Variants in SLC28A1 observed in about 807,000 individuals in gnomAD.
SLC28A1 encodes sodium/nucleoside cotransporter 1.
In SLC28A1, 64 loss-of-function variants were observed where a neutral mutation model predicts 74.8. The ratio of observed to expected loss-of-function variants is 0.86; its 90% CI spans 0.70 to 1.05. SLC28A1 has a LOEUF of 1.05. Among genes scored for constraint, SLC28A1 ranks in the 50% least tolerant of loss-of-function variants. The pLI, the probability that SLC28A1 is intolerant of heterozygous loss-of-function variation, is 0.00. For missense variants in SLC28A1, 828 were observed against 822.8 expected, an observed-to-expected ratio of 1.01 and a Z score of -0.08; for synonymous variants, 359 against 335.0, an observed-to-expected ratio of 1.07 and a Z score of -0.78.
intron 3 of SLC28A1, among the ~76,000 whole-genome samples, chr15:84,888,197 G>T (rs80147108): frequency 0.043 from 6,613 of 152,166 alleles, 197 homozygotes; most frequent in Non-Finnish European, 0.064. Flanking sequence ...ATGGGGGAGG[G>T]GGGTCTCTAA....
At chr15:84,913,983 C>G (rs1238596942) in intron 9 of SLC28A1, among the ~76,000 whole-genome samples, 1 of 152,182 alleles carries the variant, frequency 6.6e-6, no homozygotes, top group Non-Finnish European at 1.5e-5. Context: ...GGATCTCACT[C>G]TGTTGCCCAG....
the SLC28A1 span, among the ~76,000 whole-genome samples, chr15:84,954,919 T>A: frequency 1.3e-5 from 2 of 152,286 alleles, no homozygotes; most frequent in South Asian, 4.1e-4. Flanking sequence ...ATGGTAGGAA[T>A]GATGCCATGT....
In SLC28A1 at chr15:84,935,348, G is replaced by A. The variant is rs1009391545; in HGVS notation, c.1411G>A (p.Val471Ile). The change falls in exon 15 of 19, where the codon GTA becomes ATA. Residue 471 changes from valine to isoleucine, a missense_variant. By Grantham distance (29) the Val-to-Ile change is conservative (BLOSUM62 3). Coordinates refer to ENST00000394573, the MANE Select transcript of SLC28A1 (RefSeq NM_004213.5). ...CATCTGCTCCTACATCCTGCGGCCT[G>A]TAGCCTTCTTGATGGGTGTGGCGTG... Reference protein sequence around the residue: ...QLICSYILRPVAFLMGVAWED... With the variant: ...QLICSYILRPIAFLMGVAWED... 4 of 1,614,252 alleles carry A rather than the reference G, an allele frequency of 2.5e-6. No individual in the cohort carries two copies. Among genetic ancestry groups the A allele is most frequent in the Non-Finnish European group, 3.4e-6 (4 of 1,180,046 alleles).
At chr15:84,955,596 G>C in the SLC28A1 span, among the ~76,000 whole-genome samples, 1 of 152,168 alleles carries the variant, frequency 6.6e-6, no homozygotes, top group Non-Finnish European at 1.5e-5. Context: ...TTGGTTCAGC[G>C]GGACTGTGGC....
intron 5 of SLC28A1, among the ~76,000 whole-genome samples, chr15:84,891,154 G>A (rs1965329903): frequency 6.6e-6 from 1 of 152,184 alleles, no homozygotes; most frequent in Admixed American, 6.5e-5. Context: ...AAGCGTCAAG[G>A]TGGAATTCAC....
At chr15:84,966,952 AT>A in the SLC28A1 span, among the ~76,000 whole-genome samples, 8 of 150,278 alleles carry the variant, frequency 5.3e-5, no homozygotes, top group Admixed American at 4.8e-4. Flanking sequence ...TTTTATTTTT[AT>A]TTTTTTTAAG....
Position 84,935,153 on chromosome 15 carries a change from T to C in SLC28A1, c.1342T>C (p.Trp448Arg), listed in dbSNP as rs1022906550. ...GGACTTTATCAATGCTGCCCTCTCC[T>C]GGCTGGGAGACATGGTGGACATCCA... ...VLDFINAALS[W>R]LGDMVDIQGL... Residue 448 changes from tryptophan to arginine, a missense_variant, in exon 14 of 19, where the codon TGG (tryptophan) becomes CGG (arginine). Trp to Arg is a moderately radical substitution (Grantham distance 101). Coordinates refer to ENST00000394573, the MANE Select transcript of SLC28A1 (RefSeq NM_004213.5). The C allele has an allele frequency of 1.4e-5, 23 of 1,614,024 alleles. No homozygotes were observed. Among genetic ancestry groups the C allele is most frequent in the Non-Finnish European group, 1.8e-5 (21 of 1,179,904 alleles).
At chr15:84,914,841 T>C (rs1026029916) in intron 9 of SLC28A1, among the ~76,000 whole-genome samples, 1 of 152,070 alleles carries the variant, frequency 6.6e-6, no homozygotes, top group Non-Finnish European at 1.5e-5. Context: ...CCTTAGAAAA[T>C]TGGGGCCACC....
chr15:84,928,519 G>GTTCT (rs1970764081), intron 12 of SLC28A1, among the ~76,000 whole-genome samples: 1 of 42,934 alleles, frequency 2.3e-5, no homozygotes, highest in African/African-American at 1.1e-4. Flanking sequence ...AAGCTCCCAG[G>GTTCT]TTCGTTCGTT....
the SLC28A1 span, among the ~76,000 whole-genome samples, chr15:84,967,662 G>A: frequency 1.3e-5 from 2 of 152,160 alleles, no homozygotes; most frequent in Non-Finnish European, 2.9e-5. Context: ...TAGCAGCCCC[G>A]TATGGGACTT....
chr15:84,908,650 G>C (rs1291970980), intron 8 of SLC28A1, 68 bp from the exon 9 acceptor site: 21 of 1,368,842 alleles, frequency 1.5e-5, no homozygotes, highest in African/African-American at 2.8e-5. Flanking sequence ...GTCTCTGGCC[G>C]CTGCTTCCTC....
intron 12 of SLC28A1, among the ~76,000 whole-genome samples, chr15:84,928,517 A>C (rs544588126): frequency 7.4e-5 from 5 of 67,474 alleles, no homozygotes; most frequent in East Asian, 4.1e-4. Flanking sequence ...TCAAGCTCCC[A>C]GGTTCGTTCG....
the SLC28A1 span, among the ~76,000 whole-genome samples, chr15:84,968,111 G>C: frequency 1.3e-5 from 2 of 152,158 alleles, no homozygotes; most frequent in Admixed American, 1.3e-4. Context: ...AAGCAGGGCT[G>C]GGCTATCTCT....
At chr15:84,918,433 G>C (rs1486223680) in intron 9 of SLC28A1, 91 bp from the exon 10 acceptor site, 7 of 891,956 alleles carry the variant, frequency 7.8e-6, no homozygotes, top group African/African-American at 6.5e-5. Context: ...GCCTGGGATG[G>C]AGTGGGCTGT....
chr15:84,918,390 T>A, intron 9 of SLC28A1, 134 bp from the exon 10 acceptor site: 5 of 761,434 alleles, frequency 6.6e-6, no homozygotes, highest in Non-Finnish European at 9.6e-6. Flanking sequence ...TCAGAGCATC[T>A]TCCCGGATCC....
intron 8 of SLC28A1, among the ~76,000 whole-genome samples, chr15:84,908,067 G>C (rs573937911): frequency 6.6e-6 from 1 of 151,982 alleles, no homozygotes; most frequent in African/African-American, 2.4e-5. Context: ...AGACTTTGCC[G>C]TTGGTTGTCA....
chr15:84,973,708 G>C, the SLC28A1 span, among the ~76,000 whole-genome samples: 15 of 152,284 alleles, frequency 9.9e-5, no homozygotes, highest in East Asian at 2.5e-3. Flanking sequence ...TTATACGCTC[G>C]CGTAGTTGCA....
chr15:84,923,015 G>A (rs1596313497), intron 11 of SLC28A1, among the ~76,000 whole-genome samples: 1 of 152,194 alleles, frequency 6.6e-6, no homozygotes, highest in Non-Finnish European at 1.5e-5. Context: ...TGGGCTCACT[G>A]CAACCTCCGC....
intron 12 of SLC28A1, among the ~76,000 whole-genome samples, chr15:84,925,666 T>A (rs1238362462): frequency 6.6e-6 from 1 of 152,154 alleles, no homozygotes; most frequent in Non-Finnish European, 1.5e-5. Flanking sequence ...CACAGGTGAT[T>A]CTGATGCCCG....
Sources: allele counts gnomAD v4.1 joint callset (sites outside exome capture counted in the v4.1 genomes callset), GRCh38; gene constraint gnomAD v4.1.1; transcripts MANE v1.5; gene names NCBI Gene and HGNC (gene_info 2026-07-23, HGNC 2026-07-21).